The following DCAKD variants were observed in gnomAD, a reference collection of about 807,000 sequenced individuals.
DCAKD encodes the protein dephospho-CoA kinase domain-containing protein.
DCAKD carries 15 observed loss-of-function variants against 18.7 expected under a neutral mutation model. The observed-to-expected ratio is 0.80, with a 90% CI of 0.54 to 1.24. The LOEUF is 1.24. DCAKD is among the 50% of genes most tolerant of loss of function. DCAKD has a pLI of 0.00. For missense variants in DCAKD, 301 were observed against 322.0 expected (o/e 0.93, Z 0.50); for synonymous variants, 130 against 133.0 (o/e 0.98, Z 0.16).
At chr17:45,043,348 C>A (rs1295005735) in intron 1 of DCAKD, among the ~76,000 whole-genome samples, 1 of 152,134 alleles carries the variant, frequency 6.6e-6, no homozygotes, top group Non-Finnish European at 1.5e-5. Context: ...CTCATCTTCC[C>A]CAACTCAGTG....
chr17:45,050,015 G>A (rs992490179), intron 1 of DCAKD, among the ~76,000 whole-genome samples: 4 of 147,252 alleles, frequency 2.7e-5, no homozygotes, highest in African/African-American at 7.6e-5. Context: ...GAGCCACCGC[G>A]CTCGGCCTCC....
chr17:45,049,420 T>C (rs1410829378), intron 1 of DCAKD, among the ~76,000 whole-genome samples: 1 of 150,536 alleles, frequency 6.6e-6, no homozygotes, highest in African/African-American at 2.4e-5. Flanking sequence ...CAGAGCAAGA[T>C]CCCATCTCGG....
chr17:45,045,183 C>T (rs1381498806), intron 1 of DCAKD, among the ~76,000 whole-genome samples: 1 of 152,148 alleles, frequency 6.6e-6, no homozygotes, highest in African/African-American at 2.4e-5. Context: ...CTGCAGCTAG[C>T]TGGATCACAG....
chr17:45,047,793 G>A lies in DCAKD; in HGVS notation c.-115+3568C>T, dbSNP rs535133851. 1.1e-4 allele frequency among the ~76,000 whole-genome samples: 16 copies of A among 151,988 alleles called. No homozygotes were observed. In the Middle Eastern group the frequency reaches 0.01, roughly 98 times the overall value. On this transcript the variant is annotated intron_variant, in intron 1 of 4. Coordinates refer to ENST00000651974, the MANE Select transcript of DCAKD (RefSeq NM_001288655.2). ...GCTGGGTTTACAGGCGTGAGCCACC[G>A]CGTCTGGCCCCTGGCTAGTCTCAAA...
intron 3 of DCAKD, among the ~76,000 whole-genome samples, chr17:45,030,626 GAAAC>G (rs750310923): frequency 2.4e-4 from 36 of 152,300 alleles, no homozygotes; most frequent in East Asian, 1.3e-3. Context: ...TTATTTCTCA[GAAAC>G]AAACAAACAA....
intron 1 of DCAKD, among the ~76,000 whole-genome samples, chr17:45,060,554 G>A (rs762891564): frequency 6.6e-6 from 1 of 152,142 alleles, no homozygotes; most frequent in Non-Finnish European, 1.5e-5. Flanking sequence ...AGAAAAAAAG[G>A]GTCGTTGTGG....
At position 45,024,628 on chromosome 17, in the gene DCAKD, G is replaced by T; in HGVS notation, c.501C>A (p.Asp167Glu). 6.2e-7 allele frequency: 1 copy of T among 1,613,736 alleles called. No homozygotes were observed. Among genetic ancestry groups the T allele is most frequent in the Non-Finnish European group, 8.5e-7 (1 of 1,179,682 alleles). ...ARINAQLPLT[D>E]KARMARHVLD... ...GGACATGGCGGGCCATGCGGGCCTT[G>T]TCTGTCAGGGGCAGCTGGGCATTGA... is the stretch of plus-strand genomic sequence containing the variant. The change falls in exon 5 of 5, where the codon GAC (aspartate) becomes GAA (glutamate). Residue 167 changes from aspartate to glutamate, a missense_variant. Asp to Glu is a conservative substitution (Grantham distance 45, BLOSUM62 2). Coordinates refer to ENST00000651974, the MANE Select transcript of DCAKD (RefSeq NM_001288655.2).
intron 1 of DCAKD, among the ~76,000 whole-genome samples, chr17:45,038,816 T>C (rs1001230444): frequency 6.6e-6 from 1 of 152,070 alleles, no homozygotes; most frequent in African/African-American, 2.4e-5. Flanking sequence ...CCAGGGAGGC[T>C]CCGGGTCCCC....
At chr17:45,055,200 C>A (rs913401365), upstream of DCAKD, among the ~76,000 whole-genome samples, 2 of 152,156 alleles carry the variant, frequency 1.3e-5, no homozygotes, top group Non-Finnish European at 2.9e-5. Context: ...TACACAATCT[C>A]ATTTTATCCT....
intron 4 of DCAKD, among the ~76,000 whole-genome samples, chr17:45,029,863 C>T (rs917055287): frequency 6.6e-6 from 1 of 152,032 alleles, no homozygotes; most frequent in Non-Finnish European, 1.5e-5. Flanking sequence ...AGCGGGGGAG[C>T]GCTCCCCAAA....
upstream of DCAKD, among the ~76,000 whole-genome samples, chr17:45,053,406 C>T (rs981783382): frequency 7.0e-6 from 1 of 143,178 alleles, no homozygotes; most frequent in South Asian, 2.2e-4. Flanking sequence ...TAGAGGTGTG[C>T]GCCACCACAT....
intron 1 of DCAKD, among the ~76,000 whole-genome samples, chr17:45,059,090 A>G (rs1023844118): frequency 2.6e-5 from 4 of 151,562 alleles, no homozygotes; most frequent in Non-Finnish European, 4.4e-5. Flanking sequence ...AATACAAAAA[A>G]TTAGCCGGGT....
chr17:45,056,397 A>G (rs2053779592), upstream of DCAKD, among the ~76,000 whole-genome samples: 1 of 152,064 alleles, frequency 6.6e-6, no homozygotes, highest in Non-Finnish European at 1.5e-5. Context: ...TGACTTGCCT[A>G]AGGTCATTCA....
rs778179170 is a variant in DCAKD at position 45,057,702 on chromosome 17, CA to C, written c.-118+3185del. ...TGGGCAACAGAGTGCGACTCCATCT[CA>C]AAAAAAAAAAAAAAACAGTAATTCA... On this transcript the variant is annotated intron_variant, in intron 1 of 4. Transcript: ENST00000310604. Among the ~76,000 whole-genome samples the C allele has an allele frequency of 7.8e-3, 597 of 76,826 alleles. 4 individuals are homozygous for C. The highest frequency in any genetic ancestry group is 0.023 in the African/African-American group (479 of 20,578). The allele number at this position is 76,826 out of a possible 152,430, so 50.4% of individuals were successfully genotyped here. A position where few individuals can be genotyped will look rare whatever the true frequency, so the allele number is the denominator to read the frequency against.
chr17:45,031,298 C>A, intron 3 of DCAKD: 2 of 985,292 alleles, frequency 2.0e-6, no homozygotes, highest in Non-Finnish European at 2.4e-6. Flanking sequence ...TCAGGAAGCC[C>A]AAGAGAAGCC....
intron 1 of DCAKD, among the ~76,000 whole-genome samples, chr17:45,041,984 C>T (rs559541290): frequency 6.6e-6 from 1 of 151,906 alleles, no homozygotes; most frequent in East Asian, 1.9e-4. Flanking sequence ...GGCATGATGG[C>T]ATATGTCTGT....
chr17:45,054,798 G>A (rs2053762786), upstream of DCAKD, among the ~76,000 whole-genome samples: 1 of 152,144 alleles, frequency 6.6e-6, no homozygotes, highest in Non-Finnish European at 1.5e-5. Flanking sequence ...ATCATGGCTG[G>A]CCAAGACAGG....
rs1363552918 is a variant in DCAKD at position 45,024,475 on chromosome 17, G to C, written c.654C>G (p.Ser218Arg). The C allele has an allele frequency of 6.2e-7, 1 of 1,612,992 alleles. No individual in the cohort carries two copies. The highest frequency in any genetic ancestry group is 1.1e-5 in the South Asian group (1 of 91,074). The change falls in exon 5 of 5, where the codon AGC (serine) becomes AGG (arginine). Residue 218 changes from serine to arginine, a missense_variant. By Grantham distance (110) the Ser-to-Arg change is moderately radical. Transcript: ENST00000651974. ...GVLTGLAAIA[S>R]LLYLLTHYLL... ...GGTAGTGGGTGAGCAGGTAGAGGAG[G>C]CTGGCAATGGCAGCGAGCCCTGTGA...
intron 3 of DCAKD, chr17:45,033,985 T>G (rs750884836): frequency 1.3e-6 from 2 of 1,589,978 alleles, no homozygotes; most frequent in Non-Finnish European, 1.7e-6. Flanking sequence ...CATTAAACTG[T>G]CAGCCTCCTT....
Sources: gnomAD v4.1 joint callset for allele counts (sites outside exome capture counted in the v4.1 genomes callset) on GRCh38, gnomAD v4.1.1 for gene constraint, MANE v1.5 for transcripts, NCBI Gene and HGNC (gene_info 2026-07-23, HGNC 2026-07-21) for gene names.